Variants in KCNIP4 observed in about 807,000 individuals in gnomAD.
KCNIP4 encodes potassium voltage-gated channel interacting protein 4.
Under a neutral mutation model 34.0 loss-of-function variants are expected in KCNIP4, and 12 were observed. That is an observed-to-expected ratio of 0.35 (90% confidence interval 0.23 to 0.57). The LOEUF (loss-of-function observed/expected upper bound fraction) is 0.57. Ranked by LOEUF, KCNIP4 falls within the 20% of genes least tolerant of loss-of-function variation. The probability of loss-of-function intolerance (pLI) is 0.83; values close to 1 mark genes in which losing one functional copy is unlikely to be tolerated. For missense variants in KCNIP4, 238 were observed against 311.7 expected, an observed-to-expected ratio of 0.76 and a Z score of 1.78; for synonymous variants, 124 against 102.2, an observed-to-expected ratio of 1.21 and a Z score of -1.29.
intron 1 of KCNIP4, among the ~76,000 whole-genome samples, chr4:21,777,855 T>C (rs991328628): frequency 2.0e-5 from 3 of 152,186 alleles, no homozygotes; most frequent in African/African-American, 7.2e-5. Flanking sequence ...TCCTCTTATA[T>C]ACAGCCATTA....
At chr4:21,913,178 A>G (rs996404) in intron 1 of KCNIP4, among the ~76,000 whole-genome samples, 37,698 of 151,766 alleles carry the variant, frequency 0.25, 5,555 homozygotes, top group East Asian at 0.61. Context: ...TGTTTCTTAT[A>G]AAAAAGGGGT....
rs569132818 is a variant in KCNIP4, at chr4:21,605,907, A to T, written c.61+342664T>A. Among the ~76,000 whole-genome samples, 7 of 152,320 alleles carry T rather than the reference A, an allele frequency of 4.6e-5. No homozygotes were observed. In the East Asian group the frequency reaches 1.4e-3, roughly 29 times the overall value. ...GAGTTAGTGGCTCTGAGTAGACGCA[A>T]GTTGAGGGAGTCTTCTTCCAGACAG... On this transcript the variant is annotated intron_variant, in intron 1 of 8. Coordinates refer to ENST00000382152, the MANE Select transcript of KCNIP4 (RefSeq NM_025221.6).
At chr4:21,512,095 G>C (rs1174326188) in intron 1 of KCNIP4, among the ~76,000 whole-genome samples, 3 of 144,628 alleles carry the variant, frequency 2.1e-5, no homozygotes, top group Non-Finnish European at 4.5e-5. Context: ...GAAGGAGGGA[G>C]GGAGGGAGGA....
At chr4:21,552,998 T>G (rs1198924118) in intron 1 of KCNIP4, among the ~76,000 whole-genome samples, 2 of 152,034 alleles carry the variant, frequency 1.3e-5, no homozygotes, top group Non-Finnish European at 2.9e-5. Flanking sequence ...ACACTCAGAC[T>G]CTTGGGGAAA....
rs566401742 is a variant in KCNIP4, at chr4:21,919,204, C to T, written c.61+29367G>A. On this transcript the variant is annotated intron_variant, in intron 1 of 8. Transcript: ENST00000382152. The stretch of plus-strand genomic sequence containing the variant: ...ATTGTAGACTATAGCGTGTTCCCTT[C>T]CTGTCTTTTTCCAAATGGGAATCTA... Among the ~76,000 whole-genome samples, 6 of 152,268 alleles carry T rather than the reference C, an allele frequency of 3.9e-5. No individual in the cohort carries two copies. The East Asian group carries it at 1.2e-3, about 29-fold the overall frequency.
At chr4:21,346,928 A>C (rs747213482) in intron 1 of KCNIP4, among the ~76,000 whole-genome samples, 1 of 152,320 alleles carries the variant, frequency 6.6e-6, no homozygotes, top group African/African-American at 2.4e-5. Context: ...GATATTTAAT[A>C]GTGAAATTCA....
intron 1 of KCNIP4, among the ~76,000 whole-genome samples, chr4:21,879,756 C>T (rs551812121): frequency 4.6e-5 from 7 of 151,830 alleles, no homozygotes; most frequent in South Asian, 4.2e-4. Flanking sequence ...GATATGGTTT[C>T]GCTGTGTCCT....
intron 1 of KCNIP4, among the ~76,000 whole-genome samples, chr4:21,138,417 A>G (rs1751678645): frequency 6.6e-6 from 1 of 152,186 alleles, no homozygotes; most frequent in African/African-American, 2.4e-5. Context: ...TCTACAGAGC[A>G]TGCCATCATT....
chr4:21,199,019 G>A (rs1756270565), intron 1 of KCNIP4, among the ~76,000 whole-genome samples: 1 of 152,130 alleles, frequency 6.6e-6, no homozygotes, highest in Non-Finnish European at 1.5e-5. Flanking sequence ...GTAAAGTACT[G>A]ACACTGATCT....
intron 1 of KCNIP4, among the ~76,000 whole-genome samples, chr4:21,421,797 A>C (rs1045388365): frequency 1.3e-5 from 2 of 152,232 alleles, no homozygotes; most frequent in Non-Finnish European, 2.9e-5. Context: ...TAGATATTTT[A>C]ATTAGCTTGA....
intron 3 of KCNIP4, among the ~76,000 whole-genome samples, chr4:20,770,949 T>TAAACAAAC (rs34207680): frequency 6.6e-6 from 1 of 151,752 alleles, no homozygotes; most frequent in East Asian, 1.9e-4. Flanking sequence ...AATAAATAAA[T>TAAACAAAC]AAACAAACAA....
At chr4:21,275,916 G>A (rs1762408981) in intron 1 of KCNIP4, among the ~76,000 whole-genome samples, 1 of 152,114 alleles carries the variant, frequency 6.6e-6, no homozygotes, top group Non-Finnish European at 1.5e-5. Context: ...TCTTGGGCCA[G>A]ACATAAAATA....
chr4:21,680,577 T>C lies in KCNIP4; in HGVS notation c.61+267994A>G, dbSNP rs567656922. ...GAGGAATCACTATCTATGACAGTTA[T>C]AGCCTTATGAAAAGTGCTTCTTCAG... On this transcript the variant is annotated intron_variant, in intron 1 of 8. Coordinates refer to ENST00000382152, the MANE Select transcript of KCNIP4 (RefSeq NM_025221.6). 8.5e-5 allele frequency among the ~76,000 whole-genome samples: 13 copies of C among 152,340 alleles called. No individual in the cohort carries two copies. The East Asian group carries it at 2.5e-3, about 29-fold the overall frequency.
At chr4:21,944,677 A>G (rs1490629035) in intron 1 of KCNIP4, among the ~76,000 whole-genome samples, 1 of 152,154 alleles carries the variant, frequency 6.6e-6, no homozygotes, top group Non-Finnish European at 1.5e-5. Context: ...ATTACAAGTC[A>G]GACTTCATGC....
intron 1 of KCNIP4, among the ~76,000 whole-genome samples, chr4:21,124,452 C>T (rs1750439420): frequency 1.3e-5 from 2 of 152,160 alleles, no homozygotes; most frequent in Admixed American, 1.3e-4. Context: ...CTGCTTCTTC[C>T]ATCTGAAAAT....
chr4:21,000,654 C>T (rs1738046229), intron 1 of KCNIP4, among the ~76,000 whole-genome samples: 2 of 151,728 alleles, frequency 1.3e-5, no homozygotes, highest in Admixed American at 6.6e-5. Flanking sequence ...TGTTGCACTC[C>T]AGCCTGTGCA....
chr4:21,451,615 T>C (rs2109744572), intron 1 of KCNIP4, among the ~76,000 whole-genome samples: 1 of 152,266 alleles, frequency 6.6e-6, no homozygotes, highest in Admixed American at 6.5e-5. Context: ...AACTGCTGTT[T>C]TTGTAGATAA....
intron 1 of KCNIP4, chr4:21,847,375 C>G (rs1724086734): frequency 6.6e-6 from 1 of 152,074 alleles, no homozygotes; most frequent in South Asian, 2.1e-4. Context: ...GGCAGATGTA[C>G]TTTTAACATC....
intron 1 of KCNIP4, among the ~76,000 whole-genome samples, chr4:21,141,067 C>T (rs1031112408): frequency 7.9e-5 from 12 of 152,154 alleles, no homozygotes; most frequent in Non-Finnish European, 1.3e-4. Context: ...GTCAGACAAA[C>T]TTTTTGATTT....
Sources: allele counts gnomAD v4.1 joint callset (sites outside exome capture counted in the v4.1 genomes callset), GRCh38; gene constraint gnomAD v4.1.1; transcripts MANE v1.5; gene names NCBI Gene and HGNC (gene_info 2026-07-23, HGNC 2026-07-21).